Variants in DCAF8 observed in about 807,000 individuals in gnomAD.
DCAF8 encodes DDB1- and CUL4-associated factor 8.
DCAF8 carries 20 observed loss-of-function variants against 68.0 expected under a neutral mutation model. That is an observed-to-expected ratio of 0.29 (90% CI 0.21 to 0.43). The LOEUF (loss-of-function observed/expected upper bound fraction) is 0.43. DCAF8 is among the 20% of genes least tolerant of loss of function. DCAF8 has a pLI of 1.00. For synonymous variants in DCAF8, 230 were observed against 276.9 expected (o/e 0.83, Z 1.68); for missense variants, 460 against 771.0 (o/e 0.60, Z 4.78).
Position 160,217,895 on chromosome 1 carries a change from G to A in DCAF8, c.1678-187C>T, listed in dbSNP as rs76152438. 219 of 547,434 alleles carry A rather than the reference G, an allele frequency of 4.0e-4. 1 individual carries two copies. In the East Asian group the frequency reaches 5.3e-3, roughly 13 times the overall value. The allele number at this position is 547,434 out of a possible 1,614,324, so 33.9% of individuals were successfully genotyped here. A position where few individuals can be genotyped will look rare whatever the true frequency, so the allele number is the denominator to read the frequency against. Reference sequence around the variant, plus strand: ...TTGCAACTATTCAACTCATTGTAGCGTGAAGGCCGCCACAGACAATACACA... The same window carrying A: ...TTGCAACTATTCAACTCATTGTAGCATGAAGGCCGCCACAGACAATACACA... On this transcript the variant is annotated intron_variant, in intron 13 of 13. Coordinates refer to ENST00000368074, the MANE Select transcript of DCAF8 (RefSeq NM_015726.4).
In DCAF8 at chr1:160,218,436, A is replaced by C; in HGVS notation, c.1565T>G (p.Ile522Ser). Reference protein sequence around the residue: ...STELTGLKDVIKKNKRERDED... With the variant: ...STELTGLKDVSKKNKRERDED... ...ATCCCGCTCCCGCTTGTTCTTCTTAATCACCTGGAACCCAAAAAGGTTGGG... is the reference window on the plus strand; with the variant it reads ...ATCCCGCTCCCGCTTGTTCTTCTTACTCACCTGGAACCCAAAAAGGTTGGG... Residue 522 changes from isoleucine (I) to serine (S), a missense_variant, in exon 13 of 14, where the codon ATT becomes AGT. This residue lies in a region of DCAF8 where 80 missense variants were observed against 115.1 expected (regional missense o/e 0.70). Transcript: ENST00000368074. 6.2e-7 allele frequency: 1 copy of C among 1,613,840 alleles called. No homozygotes were observed. The highest frequency in any genetic ancestry group is 8.5e-7 in the Non-Finnish European group (1 of 1,179,744).
chr1:160,242,244 C>CAA (rs200596217), intron 3 of DCAF8, among the ~76,000 whole-genome samples: 4 of 63,768 alleles, frequency 6.3e-5, no homozygotes, highest in African/African-American at 1.1e-4. Context: ...AACTCTGTCT[C>CAA]AAAAAAAAAA....
intron 2 of DCAF8, among the ~76,000 whole-genome samples, chr1:160,260,454 G>C (rs1010815118): frequency 6.6e-6 from 1 of 152,142 alleles, no homozygotes; most frequent in Non-Finnish European, 1.5e-5. Flanking sequence ...AAACTCACCA[G>C]TGTCACTCAA....
rs749045507 is a variant in DCAF8, at chr1:160,243,288, A to AAAGG, written c.49+668_49+671dup. On this transcript the variant is annotated intron_variant, in intron 3 of 13. Coordinates refer to ENST00000368074, the MANE Select transcript of DCAF8 (RefSeq NM_015726.4). ...CTGGTCCTGAAAAGAAGGAGGAGGG[A>AAAGG]AAGGAAGGAAGGAAGGAAATAAATG... Among the ~76,000 whole-genome samples, 154 of 152,108 alleles carry AAAGG rather than the reference A, an allele frequency of 1.0e-3. 3 individuals carry two copies. Among genetic ancestry groups the AAAGG allele is most frequent in the Non-Finnish European group, 1.5e-4 (10 of 67,988 alleles).
intron 3 of DCAF8, 109 bp downstream of exon 3, chr1:160,243,851 G>GA: frequency 9.4e-7 from 1 of 1,060,714 alleles, no homozygotes; most frequent in Non-Finnish European, 1.4e-6. Context: ...AACAACACAG[G>GA]AAAGTTTCCC....
At chr1:160,230,682 T>C (rs1391558154) in intron 7 of DCAF8, among the ~76,000 whole-genome samples, 1 of 152,224 alleles carries the variant, frequency 6.6e-6, no homozygotes, top group Non-Finnish European at 1.5e-5. Context: ...TTTACTAATA[T>C]AGTACTTGCT....
In DCAF8 at chr1:160,238,647, T is replaced by C; in HGVS notation, c.824A>G (p.Asn275Ser). The C allele has an allele frequency of 5.0e-6, 8 of 1,613,366 alleles. No individual in the cohort carries two copies. The highest frequency in any genetic ancestry group is 6.8e-6 in the Non-Finnish European group (8 of 1,179,738). Residue 275 changes from asparagine to serine, a missense_variant, in exon 5 of 14, where the codon AAT (asparagine) becomes AGT (serine). Around this residue, in one of 8 missense-constraint regions of DCAF8, gnomAD observed 170 missense variants for 318.2 expected, o/e 0.53. Transcript: ENST00000368074. ...CTTGTGCTGGGCCACACGTTTTGTA[T>C]TCTTGCAACACTGTGTGGCAGACAG... ...AELSATQCCK[N>S]TKRVAQHKGA...
chr1:160,220,961 G>C (rs1431235734), intron 11 of DCAF8: 1 of 152,182 alleles, frequency 6.6e-6, no homozygotes, highest in Admixed American at 6.5e-5. Context: ...CTTACACAGA[G>C]ACAAGAATAT....
At chr1:160,225,236 C>T in intron 8 of DCAF8, 117 bp from the exon 9 acceptor site, 1 of 965,716 alleles carries the variant, frequency 1.0e-6, no homozygotes, top group Non-Finnish European at 1.6e-6. Flanking sequence ...TTGAGAAAGA[C>T]AGACAGAGAC....
chr1:160,244,025 T>A lies in DCAF8; in HGVS notation c.-17A>T. On this transcript the variant is annotated 5_prime_UTR_variant, in exon 3 of 14. Transcript: ENST00000368074. The stretch of plus-strand genomic sequence containing the variant: ...GCTGGACATCTTGAATGATGTTTGC[T>A]GTAGCCAGCCTGGGTTTGGGAGAGG... The A allele has an allele frequency of 6.2e-7, 1 of 1,614,174 alleles. No homozygotes were observed. The highest frequency in any genetic ancestry group is 1.3e-5 in the African/African-American group (1 of 75,068).
Position 160,223,427 on chromosome 1 carries a change from ACTGCTATCTCCAAGACAAAAT to A in DCAF8, c.1310-667_1310-647del, listed in dbSNP as rs559655327. Among the ~76,000 whole-genome samples the A allele has an allele frequency of 3.9e-4, 59 of 152,230 alleles. 1 individual carries two copies. In the East Asian group the frequency reaches 0.011, roughly 28 times the overall value. On this transcript the variant is annotated intron_variant, in intron 10 of 13. Coordinates refer to ENST00000368074, the MANE Select transcript of DCAF8 (RefSeq NM_015726.4). The stretch of plus-strand genomic sequence containing the variant: ...GGAAAAAAAATAAAACTAACCTCTA[ACTGCTATCTCCAAGACAAAAT>A]CATGACAGGTATCTGCTAGGAGTGG...
chr1:160,262,297 G>A (rs976138548), intron 1 of DCAF8, 152 bp downstream of exon 1: 6 of 399,156 alleles, frequency 1.5e-5, no homozygotes, highest in African/African-American at 4.1e-5. Flanking sequence ...AGGGAGGGGG[G>A]GTGTCCGGCT....
chr1:160,237,591 A>C (rs915137052), intron 5 of DCAF8, among the ~76,000 whole-genome samples: 1 of 152,164 alleles, frequency 6.6e-6, no homozygotes, highest in African/African-American at 2.4e-5. Context: ...CAGTGGCATG[A>C]TCATGGCTCA....
chr1:160,260,755 T>C (rs1018539662), intron 2 of DCAF8, among the ~76,000 whole-genome samples: 1 of 150,988 alleles, frequency 6.6e-6, no homozygotes, highest in Non-Finnish European at 1.5e-5. Context: ...CACTATATCC[T>C]AAAAAGTCGG....
chr1:160,223,451 T>C (rs950090939), intron 10 of DCAF8, among the ~76,000 whole-genome samples: 1 of 152,182 alleles, frequency 6.6e-6, no homozygotes, highest in Non-Finnish European at 1.5e-5. Flanking sequence ...GACAAAATCA[T>C]GACAGGTATC....
intron 9 of DCAF8, 80 bp downstream of exon 9, chr1:160,224,982 A>T: frequency 7.3e-7 from 1 of 1,362,552 alleles, no homozygotes; most frequent in Non-Finnish European, 1.1e-6. Context: ...TGAGCACTGG[A>T]GGGCACATGC....
At chr1:160,249,907 A>G (rs1274322810) in intron 2 of DCAF8, among the ~76,000 whole-genome samples, 2 of 152,252 alleles carry the variant, frequency 1.3e-5, no homozygotes, top group Non-Finnish European at 2.9e-5. Context: ...GCTATACAAT[A>G]TATGATTCCA....
intron 4 of DCAF8, chr1:160,239,414 G>A (rs2101741016): frequency 7.0e-7 from 1 of 1,422,346 alleles, no homozygotes; most frequent in Non-Finnish European, 9.2e-7. Context: ...AGGCAGTTTG[G>A]TTCAAGAGCC....
intron 6 of DCAF8, among the ~76,000 whole-genome samples, chr1:160,235,179 G>A (rs1231108420): frequency 6.6e-6 from 1 of 151,798 alleles, no homozygotes. Flanking sequence ...TGTCACCCAG[G>A]CTGGAGTACA....
Sources: gnomAD v4.1 joint callset for allele counts (sites outside exome capture counted in the v4.1 genomes callset) on GRCh38, gnomAD v4.1.1 for gene constraint, gnomAD v4.1.1 regional missense constraint, MANE v1.5 for transcripts, NCBI Gene and HGNC (gene_info 2026-07-23, HGNC 2026-07-21) for gene names.